MAG: variants seen among roughly 807,000 people sequenced by gnomAD.
MAG encodes myelin-associated glycoprotein.
MAG carries 30 observed loss-of-function variants against 60.7 expected under a neutral mutation model. That is an observed-to-expected ratio of 0.49 (90% CI 0.37 to 0.67). The LOEUF (loss-of-function observed/expected upper bound fraction) is 0.67, where lower values mean the gene tolerates loss of function less well. Ranked by LOEUF, MAG falls within the 30% of genes least tolerant of loss-of-function variation. The probability of loss-of-function intolerance (pLI) is 0.00; values close to 1 mark genes in which losing one functional copy is unlikely to be tolerated. For synonymous variants in MAG, 384 were observed against 376.8 expected (o/e 1.02, Z -0.22); for missense variants, 795 against 851.7 (o/e 0.93, Z 0.83).
Position 35,293,632 on chromosome 19 carries a change from C to T in MAG, c.-79-603C>T, listed in dbSNP as rs980243109. ...AACCCCAAGGCAACCCATGGAGCAG[C>T]AGGGTGCCAGGGGCTCGCTAGCCCC... On this transcript the variant is annotated intron_variant, in intron 1 of 10. Coordinates refer to ENST00000392213, the MANE Select transcript of MAG (RefSeq NM_002361.4). This position sits in a 1 kb window ranked among gnomAD's most constrained non-coding sequence, Gnocchi z 4.0. Among the ~76,000 whole-genome samples, 4 of 152,110 alleles carry T rather than the reference C, an allele frequency of 2.6e-5. No homozygotes were observed. Among genetic ancestry groups the T allele is most frequent in the African/African-American group, 7.2e-5 (3 of 41,404 alleles).
intron 7 of MAG, among the ~76,000 whole-genome samples, chr19:35,305,736 C>T (rs2066478829): frequency 6.6e-6 from 1 of 152,220 alleles, no homozygotes. Context: ...AGTTGGATCA[C>T]TTGAGGCCAG....
At chr19:35,300,101 G>C (rs752465682) in intron 5 of MAG, 46 bp from the exon 6 acceptor site, 3 of 1,492,904 alleles carry the variant, frequency 2.0e-6, no homozygotes, top group South Asian at 1.3e-5. Context: ...CACTGGGCCG[G>C]TTCCCCAGCA....
In MAG at chr19:35,313,643, C is replaced by T; in HGVS notation, c.*189C>T. On this transcript the variant is annotated 3_prime_UTR_variant, in exon 11 of 11. Coordinates refer to ENST00000392213, the MANE Select transcript of MAG (RefSeq NM_002361.4). ...CTGCCCCTCCCTGCCAGCACCCCCA[C>T]GCCCTCATTACGGCTCCTCTCTAAC... 3 of 582,902 alleles carry T rather than the reference C, an allele frequency of 5.1e-6. No homozygotes were observed. Among genetic ancestry groups the T allele is most frequent in the South Asian group, 2.1e-5 (1 of 48,094 alleles). The allele number at this position is 582,902 out of a possible 1,614,324, so 36.1% of individuals were successfully genotyped here.
At chr19:35,304,660 C>A (rs1331503784) in intron 7 of MAG, among the ~76,000 whole-genome samples, 1 of 152,174 alleles carries the variant, frequency 6.6e-6, no homozygotes, top group East Asian at 1.9e-4. Flanking sequence ...CCTGCCTCAG[C>A]CTCCCAACTA....
In MAG at chr19:35,295,573, G is replaced by A. The variant is rs1490888888; in HGVS notation, c.47-40G>A. The A allele has an allele frequency of 6.3e-7, 1 of 1,594,958 alleles. No individual in the cohort carries two copies. On this transcript the variant is annotated intron_variant, in intron 3 of 10. Transcript: ENST00000392213. The surrounding 1 kb of genome is among the most constrained non-coding windows in gnomAD (Gnocchi z 5.8). ...GGGAGCCGGAGGGGGTGATCGGGTA[G>A]GACGTGTCCCTGAGCCTCAGCTCTC...
At chr19:35,304,503 C>T (rs1232280673) in intron 7 of MAG, among the ~76,000 whole-genome samples, 1 of 152,110 alleles carries the variant, frequency 6.6e-6, no homozygotes, top group African/African-American at 2.4e-5. Flanking sequence ...CTTGAATCCT[C>T]TACAGCTGTT....
intron 9 of MAG, among the ~76,000 whole-genome samples, chr19:35,311,087 T>C (rs901796963): frequency 6.6e-6 from 1 of 152,168 alleles, no homozygotes; most frequent in Non-Finnish European, 1.5e-5. Flanking sequence ...TATCCCGCAC[T>C]TTAGGAGGCC....
In MAG at chr19:35,302,609, G is replaced by A; in HGVS notation, c.1132G>A (p.Glu378Lys). Residue 378 changes from glutamate (E) to lysine (K), a missense_variant, in exon 7 of 11, where the codon GAG (glutamate) becomes AAG (lysine). By Grantham distance (56) the Glu-to-Lys change is moderately conservative (BLOSUM62 1). Transcript: ENST00000392213. Reference protein sequence around the residue: ...TVIYESELQLELPAVSPEDDG... With the variant: ...TVIYESELQLKLPAVSPEDDG... ...CATCTACGAGAGCGAGCTGCAGCTG[G>A]AGCTGCCGGCCGTGTCACCCGAGGA... 1 of 1,614,234 alleles carries A rather than the reference G, an allele frequency of 6.2e-7. No homozygotes were observed.
At chr19:35,292,648 T>C (rs1242550147) in intron 1 of MAG, among the ~76,000 whole-genome samples, 2 of 151,308 alleles carry the variant, frequency 1.3e-5, no homozygotes, top group African/African-American at 4.9e-5. Flanking sequence ...ATAGCAGGTG[T>C]GTGTGTGTGT....
In MAG at chr19:35,310,617, C is replaced by T. The variant is rs185732027; in HGVS notation, c.1590C>T (p.Val530=). ...VVAFAILIAI[V]CYITQTRRKK... is the part of the protein sequence containing the mutation. Reference sequence around the variant, plus strand: ...CCTTTGCCATCCTGATTGCCATCGTCTGCTACATTACCCAGACACGCAGGA... The same window carrying T: ...CCTTTGCCATCCTGATTGCCATCGTTTGCTACATTACCCAGACACGCAGGA... Residue 530 remains valine (V), a synonymous_variant, in exon 9 of 11, where the codon GTC becomes GTT. Transcript: ENST00000392213. The T allele has an allele frequency of 2.9e-5, 47 of 1,614,116 alleles. No individual in the cohort carries two copies. In the East Asian group the frequency reaches 1.0e-3, roughly 36 times the overall value.
At chr19:35,305,480 C>T (rs2066477209) in intron 7 of MAG, among the ~76,000 whole-genome samples, 2 of 152,158 alleles carry the variant, frequency 1.3e-5, no homozygotes, top group Non-Finnish European at 2.9e-5. Context: ...TTCTTCAACC[C>T]AGTTTAATAC....
chr19:35,310,670 G>A (rs367555758), intron 9 of MAG, 27 bp downstream of exon 9: 4 of 1,606,606 alleles, frequency 2.5e-6, no homozygotes, highest in Non-Finnish European at 3.4e-6. Context: ...GCTGATCTGG[G>A]GATGGGAGTC....
chr19:35,297,204 A>T (rs916562330), intron 4 of MAG, among the ~76,000 whole-genome samples: 1 of 117,234 alleles, frequency 8.5e-6, no homozygotes. Context: ...CTACACACAC[A>T]CCACACACAC....
intron 7 of MAG, among the ~76,000 whole-genome samples, chr19:35,309,185 G>T (rs188861151): frequency 6.6e-6 from 1 of 152,234 alleles, no homozygotes. Flanking sequence ...CCTCAAAAGT[G>T]GCACCAGAAG....
chr19:35,299,809 C>T lies in MAG; in HGVS notation c.671C>T (p.Thr224Ile). Residue 224 changes from threonine to isoleucine, a missense_variant, in exon 5 of 11, where the codon ACC (threonine) becomes ATC (isoleucine). Coordinates refer to ENST00000392213, the MANE Select transcript of MAG (RefSeq NM_002361.4). ...GGCTGCCAGGCCTCCTTCCCCAACACCACCCTGCAGTTCGAGGGCTACGCC... is the reference window on the plus strand; with the variant it reads ...GGCTGCCAGGCCTCCTTCCCCAACATCACCCTGCAGTTCGAGGGCTACGCC... ...RLGCQASFPN[T>I]TLQFEGYASM... The T allele has an allele frequency of 6.5e-7, 1 of 1,537,350 alleles. No homozygotes were observed. Among genetic ancestry groups the T allele is most frequent in the Non-Finnish European group, 8.7e-7 (1 of 1,146,192 alleles).
chr19:35,312,353 T>TCCTCTGGGCCCA, intron 10 of MAG: 1 of 1,600,704 alleles, frequency 6.2e-7, no homozygotes, highest in Non-Finnish European at 8.5e-7. Flanking sequence ...CAGTGTGCCC[T>TCCTCTGGGCCCA]CCTCTGGGCC....
intron 10 of MAG, chr19:35,312,535 G>A: frequency 1.8e-6 from 1 of 563,866 alleles, no homozygotes; most frequent in South Asian, 2.0e-5. Context: ...CTGTGGCTAG[G>A]GGGTGGAGGG....
At position 35,313,336 on chromosome 19, in the gene MAG, G is replaced by T; in HGVS notation, c.1763G>T (p.Gly588Val). Residue 588 changes from glycine to valine, a missense_variant, in exon 11 of 11, where the codon GGT becomes GTT. Physicochemically the swap from Gly to Val is moderately radical, Grantham distance 109. Coordinates refer to ENST00000392213, the MANE Select transcript of MAG (RefSeq NM_002361.4). The stretch of plus-strand genomic sequence containing the variant: ...GAGAGGAGGCTGCTGGGCCTTCGGG[G>T]TGAGCCCCCAGAGCTGGACCTGAGC... ...GSERRLLGLR[G>V]EPPELDLSYS... 6.2e-7 allele frequency: 1 copy of T among 1,614,180 alleles called. No homozygotes were observed. The highest frequency in any genetic ancestry group is 8.5e-7 in the Non-Finnish European group (1 of 1,180,022).
rs1264353677 is a variant in MAG, at chr19:35,313,679, C to T, written c.*225C>T. The T allele has an allele frequency of 3.2e-5, 16 of 507,758 alleles. No individual in the cohort carries two copies. In the East Asian group the frequency reaches 5.0e-4, roughly 16 times the overall value. The allele number at this position is 507,758 out of a possible 1,614,324, so 31.5% of individuals were successfully genotyped here. On this transcript the variant is annotated 3_prime_UTR_variant, in exon 11 of 11. Coordinates refer to ENST00000392213, the MANE Select transcript of MAG (RefSeq NM_002361.4). ...CGGCTCCTCTCTAACCTCCTTTACCCTCATCTGTCTGGAGGGGAGCTCTGT... is the reference window on the plus strand; with the variant it reads ...CGGCTCCTCTCTAACCTCCTTTACCTTCATCTGTCTGGAGGGGAGCTCTGT...
Sources: gnomAD v4.1 joint callset for allele counts (sites outside exome capture counted in the v4.1 genomes callset) on GRCh38, gnomAD v4.1.1 for gene constraint, Gnocchi (gnomAD v3.1) non-coding constraint, MANE v1.5 for transcripts, NCBI Gene and HGNC (gene_info 2026-07-23, HGNC 2026-07-21) for gene names.